The following OTOG variants were observed in gnomAD, a reference collection of about 807,000 sequenced individuals.
OTOG encodes the protein otogelin.
OTOG carries 296 observed loss-of-function variants against 313.8 expected under a neutral mutation model. The ratio of observed to expected loss-of-function variants is 0.94; its 90% confidence interval spans 0.86 to 1.04. The LOEUF (loss-of-function observed/expected upper bound fraction) is 1.04, where lower values mean the gene tolerates loss of function less well. Among genes scored for constraint, OTOG ranks in the 50% least tolerant of loss-of-function variants. The pLI is 0.00. For missense variants in OTOG, 3,948 were observed against 3,840.1 expected, an observed-to-expected ratio of 1.03 and a Z score of -0.74; for synonymous variants, 1,533 against 1,554.9, an observed-to-expected ratio of 0.99 and a Z score of 0.33.
At chr11:17,608,570 A>G (rs1188514891) in intron 34 of OTOG, among the ~76,000 whole-genome samples, 157 bp downstream of exon 34, 1 of 152,208 alleles carries the variant, frequency 6.6e-6, no homozygotes, top group African/African-American at 2.4e-5. Context: ...ATATGTCAGC[A>G]TATGTGACTA....
In OTOG at chr11:17,572,182, C is replaced by T. The variant is rs1458782556; in HGVS notation, c.2058C>T (p.Pro686=). 1 of 1,550,314 alleles carries T rather than the reference C, an allele frequency of 6.5e-7. No homozygotes were observed. ...SPLVSGSPLD[P]CDVHLQAASY... ...TGGTCTCTGGCTCCCCTCTGGACCC[C>T]TGCGATGTGCACCTGCAAGCCGGTG... The change falls in exon 18 of 56, where the codon CCC becomes CCT. Residue 686 remains proline (P), a synonymous_variant. Transcript: ENST00000399397.
intron 22 of OTOG, among the ~76,000 whole-genome samples, 182 bp downstream of exon 22, chr11:17,577,093 C>T (rs1218557088): frequency 1.3e-5 from 2 of 152,240 alleles, no homozygotes; most frequent in African/African-American, 4.8e-5. Flanking sequence ...GAAGCCCTGT[C>T]CCAGCCTCAG....
chr11:17,576,870 A>G lies in OTOG; in HGVS notation c.2564A>G (p.His855Arg). 6.5e-7 allele frequency: 1 copy of G among 1,550,300 alleles called. No individual in the cohort carries two copies. The highest frequency in any genetic ancestry group is 1.4e-5 in the African/African-American group (1 of 73,108). ...CCAGGGCCCGTCTCTCTCTGCAGCC[A>G]CTGCAAAGATGGAGTCATGAGCTGT... Reference protein sequence around the residue: ...DSDIPSLGHCHCKDGVMSCDS... With the variant: ...DSDIPSLGHCRCKDGVMSCDS... Residue 855 changes from histidine (H) to arginine (R), a missense_variant and splice_region_variant, in exon 22 of 56, where the codon CAC (histidine) becomes CGC (arginine). By Grantham distance (29) the His-to-Arg change is conservative. Coordinates refer to ENST00000399397, the MANE Select transcript of OTOG (RefSeq NM_001292063.2).
At chr11:17,596,281 C>A in intron 29 of OTOG, 127 bp downstream of exon 29, 1 of 710,658 alleles carries the variant, frequency 1.4e-6, no homozygotes, top group South Asian at 1.7e-5. Context: ...CTGCCTCTGC[C>A]ATTCCCCTGC....
chr11:17,550,480 C>A (rs1231728183), intron 3 of OTOG, among the ~76,000 whole-genome samples: 1 of 152,134 alleles, frequency 6.6e-6, no homozygotes, highest in Non-Finnish European at 1.5e-5. Flanking sequence ...TGATTAAGAG[C>A]GCCTGATTGA....
In OTOG at chr11:17,610,535, C is replaced by A. The variant is rs193083374; in HGVS notation, c.5235C>A (p.Leu1745=). The change falls in exon 36 of 56, where the codon CTC becomes CTA. Residue 1745 remains leucine (L), a synonymous_variant. Coordinates refer to ENST00000399397, the MANE Select transcript of OTOG (RefSeq NM_001292063.2). ...CTGCCTCCCCACAGCCACACCCACT[C>A]CCCTCTGCACCACCCCGCCCAGCCC... ...GSPASPQPHP[L]PSAPPRPAQH... 14,562 of 1,550,622 alleles carry A rather than the reference C, an allele frequency of 9.4e-3. 88 individuals are homozygous for A. Among genetic ancestry groups the A allele is most frequent in the Non-Finnish European group, 0.011 (13,130 of 1,146,960 alleles).
Position 17,641,851 on chromosome 11 carries a change from A to C in OTOG, c.8195A>C (p.Gln2732Pro). 1 of 1,549,476 alleles carries C rather than the reference A, an allele frequency of 6.5e-7. No individual in the cohort carries two copies. The highest frequency in any genetic ancestry group is 8.7e-7 in the Non-Finnish European group (1 of 1,146,366). ...VLCDIHCEAN[Q>P]EYEHPRDLAA... ...CCACCCCGCCCTGGCCTGTAGAACCAGGAGTACGAGCACCCGCGGGACCTC... is the reference window on the plus strand; with the variant it reads ...CCACCCCGCCCTGGCCTGTAGAACCCGGAGTACGAGCACCCGCGGGACCTC... The change falls in exon 52 of 56, where the codon CAG becomes CCG. Residue 2732 changes from glutamine (Q) to proline (P), a missense_variant. By Grantham distance (76) the Gln-to-Pro change is moderately conservative. Transcript: ENST00000399397.
chr11:17,639,734 GTGA>G (rs1847928791), intron 49 of OTOG, among the ~76,000 whole-genome samples: 3 of 152,136 alleles, frequency 2.0e-5, no homozygotes, highest in Admixed American at 6.6e-5. Context: ...GCTGATGGTA[GTGA>G]TGATGGTGGG....
chr11:17,572,918 A>G (rs537640393), intron 18 of OTOG, among the ~76,000 whole-genome samples, 160 bp from the exon 19 acceptor site: 1 of 152,274 alleles, frequency 6.6e-6, no homozygotes, highest in East Asian at 1.9e-4. Flanking sequence ...AACCACACCC[A>G]TACCTTCCCA....
intron 23 of OTOG, among the ~76,000 whole-genome samples, chr11:17,581,667 G>A (rs531123021): frequency 2.6e-5 from 4 of 152,184 alleles, no homozygotes; most frequent in South Asian, 2.1e-4. Flanking sequence ...TAAGTATACC[G>A]TGTGTTAGGC....
chr11:17,604,298 G>A (rs893097546), intron 32 of OTOG, among the ~76,000 whole-genome samples: 4 of 152,240 alleles, frequency 2.6e-5, no homozygotes, highest in African/African-American at 4.8e-5. Context: ...CAGTGGAGAA[G>A]CCTTGATCCG....
At position 17,558,573 on chromosome 11, in the gene OTOG, CCCCTTTGACG is replaced by C; in HGVS notation, c.1035_1044del (p.Phe346AlafsTer25). On this transcript the variant is annotated frameshift_variant, in exon 10 of 56. Coordinates refer to ENST00000399397, the MANE Select transcript of OTOG (RefSeq NM_001292063.2). LOFTEE classifies it high-confidence loss of function. ...AGCAGTGTGAGGCTCTACTGCGGCC[CCCCTTTGACG>C]CCTGCCACGCCTACGTCAGCCCTCT... The C allele has an allele frequency of 6.4e-7, 1 of 1,550,508 alleles. No homozygotes were observed. The highest frequency in any genetic ancestry group is 8.7e-7 in the Non-Finnish European group (1 of 1,147,002).
At chr11:17,620,625 G>GT (rs1853841333) in intron 39 of OTOG, among the ~76,000 whole-genome samples, 1 of 152,010 alleles carries the variant, frequency 6.6e-6, no homozygotes, top group Non-Finnish European at 1.5e-5. Flanking sequence ...ACATAATGTA[G>GT]TTTTTTTCTA....
chr11:17,574,628 A>C (rs1418636683), intron 19 of OTOG, 92 bp from the exon 20 acceptor site: 8 of 1,268,962 alleles, frequency 6.3e-6, no homozygotes, highest in African/African-American at 4.6e-5. Flanking sequence ...ACTTCTCTGG[A>C]TCTCCATTCT....
chr11:17,612,930 C>G (rs540864949), intron 38 of OTOG, among the ~76,000 whole-genome samples, 165 bp downstream of exon 38: 1 of 152,282 alleles, frequency 6.6e-6, no homozygotes, highest in East Asian at 1.9e-4. Flanking sequence ...GTGATGGCTC[C>G]CTTGGAGGCT....
intron 12 of OTOG, 58 bp from the exon 13 acceptor site, chr11:17,560,651 C>A: frequency 3.1e-6 from 4 of 1,305,682 alleles, no homozygotes; most frequent in Non-Finnish European, 1.1e-6. Context: ...TGGGGAGCCA[C>A]GAATGGTTTG....
Position 17,573,272 on chromosome 11 carries a change from GC to G in OTOG, c.2278del (p.Arg760AlafsTer43), listed in dbSNP as rs1291532565. 1 of 1,527,972 alleles carries G rather than the reference GC, an allele frequency of 6.5e-7. No homozygotes were observed. The highest frequency in any genetic ancestry group is 8.8e-7 in the Non-Finnish European group (1 of 1,141,278). The allele number at this position is 1,527,972 out of a possible 1,614,324, so 94.7% of individuals were successfully genotyped here. On this transcript the variant is annotated frameshift_variant, in exon 19 of 56. Coordinates refer to ENST00000399397, the MANE Select transcript of OTOG (RefSeq NM_001292063.2). LOFTEE classifies it high-confidence loss of function. ...RRHGLPVDFRARLPACALSCE... is the reference protein window; with the variant it reads ...RRHGLPVDFRXRLPACALSCE... ...CCATGGGCTCCCCGTTGATTTCCGC[GC>G]CCGCCTGCCAGCCTGTGGTGAGTGC...
rs942801872 is a variant in OTOG at position 17,559,293 on chromosome 11, G to T, written c.1213+132G>T. 4.2e-6 allele frequency: 4 copies of T among 946,924 alleles called. No homozygotes were observed. The African/African-American group carries it at 6.7e-5, about 16-fold the overall frequency. 58.7% of individuals were successfully genotyped at this position (946,924 alleles called of 1,614,324 possible). On this transcript the variant is annotated intron_variant, in intron 11 of 55. Coordinates refer to ENST00000399397, the MANE Select transcript of OTOG (RefSeq NM_001292063.2). Reference sequence around the variant, plus strand: ...CTCAGCCCCGAGGTTTTATCGCCATGAGAAAGACGAAAAAACTGAGGCTCA... The same window carrying T: ...CTCAGCCCCGAGGTTTTATCGCCATTAGAAAGACGAAAAAACTGAGGCTCA...
rs1231832347 is a variant in OTOG at position 17,557,194 on chromosome 11, G to C, written c.736G>C (p.Ala246Pro). The change falls in exon 8 of 56, where the codon GCC becomes CCC. Residue 246 changes from alanine (A) to proline (P), a missense_variant. By Grantham distance (27) the Ala-to-Pro change is conservative (BLOSUM62 -1). Transcript: ENST00000399397. ...CTATGTCATCGTGCGGCATCAGTCAGCCTTCACACTGGCCTGGGATGGTGC... is the reference window on the plus strand; with the variant it reads ...CTATGTCATCGTGCGGCATCAGTCACCCTTCACACTGGCCTGGGATGGTGC... ...AGYVIVRHQS[A>P]FTLAWDGASA... The C allele has an allele frequency of 1.3e-6, 2 of 1,550,668 alleles. No homozygotes were observed. The highest frequency in any genetic ancestry group is 1.7e-6 in the Non-Finnish European group (2 of 1,147,016).
Sources: gnomAD v4.1 joint callset for allele counts (sites outside exome capture counted in the v4.1 genomes callset) on GRCh38, gnomAD v4.1.1 for gene constraint, MANE v1.5 for transcripts, NCBI Gene and HGNC (gene_info 2026-07-23, HGNC 2026-07-21) for gene names.